Variants in MCF2L2 observed in about 807,000 individuals in gnomAD.
The protein encoded by MCF2L2 is probable guanine nucleotide exchange factor MCF2L2.
MCF2L2 carries 102 observed loss-of-function variants against 150.2 expected under a neutral mutation model. That is an observed-to-expected ratio of 0.68 (90% CI 0.58 to 0.80). The LOEUF (loss-of-function observed/expected upper bound fraction) is 0.80. Ranked by LOEUF, MCF2L2 falls within the 30% of genes least tolerant of loss-of-function variation. The pLI, the probability that MCF2L2 is intolerant of heterozygous loss-of-function variation, is 0.00. For missense variants in MCF2L2, 1,256 were observed against 1,372.8 expected, an observed-to-expected ratio of 0.91 and a Z score of 1.34; for synonymous variants, 465 against 491.3, an observed-to-expected ratio of 0.95 and a Z score of 0.71.
In MCF2L2 at chr3:183,362,792, G is replaced by A. The variant is rs531880870; in HGVS notation, c.275+16505C>T. On this transcript the variant is annotated intron_variant, in intron 3 of 29. Transcript: ENST00000328913. ...AATTAAACGCAAGATGCAAGCAGTA[G>A]TCATCTACATAAAGCTACTATAAGG... is the stretch of plus-strand genomic sequence containing the variant. 3.9e-5 allele frequency among the ~76,000 whole-genome samples: 6 copies of A among 152,046 alleles called. No homozygotes were observed. The South Asian group carries it at 1.0e-3, about 26-fold the overall frequency.
At chr3:183,320,323 A>G (rs1729762115) in intron 6 of MCF2L2, among the ~76,000 whole-genome samples, 1 of 151,766 alleles carries the variant, frequency 6.6e-6, no homozygotes, top group African/African-American at 2.4e-5. Flanking sequence ...TGAACTACTG[A>G]CCTCAGGTGA....
chr3:183,263,671 C>T (rs1011672873), intron 15 of MCF2L2, among the ~76,000 whole-genome samples: 19 of 152,262 alleles, frequency 1.2e-4, no homozygotes, highest in African/African-American at 4.3e-4. Flanking sequence ...CTGTCTAACT[C>T]GTCTTAGATT....
chr3:183,302,246 G>C (rs1047783378), intron 10 of MCF2L2, among the ~76,000 whole-genome samples: 2 of 152,194 alleles, frequency 1.3e-5, no homozygotes, highest in Non-Finnish European at 2.9e-5. Flanking sequence ...ATTTTGCTTA[G>C]TACTTTCTCA....
At chr3:183,273,996 C>T in intron 15 of MCF2L2, among the ~76,000 whole-genome samples, 1 of 152,148 alleles carries the variant, frequency 6.6e-6, no homozygotes, top group East Asian at 1.9e-4. Context: ...AAGTGGACCA[C>T]CTGAGGTTAG....
chr3:183,201,777 T>C (rs780260646), intron 25 of MCF2L2, among the ~76,000 whole-genome samples: 16 of 152,212 alleles, frequency 1.1e-4, no homozygotes, highest in Non-Finnish European at 2.2e-4. Context: ...TAAATAGTTC[T>C]CATTATTTTG....
intron 15 of MCF2L2, among the ~76,000 whole-genome samples, chr3:183,250,735 G>T (rs550442015): frequency 3.9e-5 from 6 of 152,156 alleles, no homozygotes; most frequent in African/African-American, 1.4e-4. Context: ...AAGAGGCGGC[G>T]GAGCCAAGGA....
chr3:183,297,206 C>A (rs778516483), intron 11 of MCF2L2, 39 bp from the exon 12 acceptor site: 2 of 1,572,372 alleles, frequency 1.3e-6, no homozygotes, highest in Non-Finnish European at 8.7e-7. Context: ...CTTCGCCTGA[C>A]CACAACTCAG....
chr3:183,377,932 A>C (rs1295518447), intron 3 of MCF2L2: 1 of 152,254 alleles, frequency 6.6e-6, no homozygotes, highest in Non-Finnish European at 1.5e-5. Context: ...GAAAGGAGGA[A>C]ATTGATGAAA....
chr3:183,228,381 G>A lies in MCF2L2; in HGVS notation c.2046-15C>T. 1.9e-6 allele frequency: 3 copies of A among 1,556,042 alleles called. No homozygotes were observed. The highest frequency in any genetic ancestry group is 2.7e-6 in the Non-Finnish European group (3 of 1,128,692). ...TTAGAAAAGTCCTAGAAAAATAAAAGTATACAAGTAATAATGTTTTGATTT... is the reference window on the plus strand; with the variant it reads ...TTAGAAAAGTCCTAGAAAAATAAAAATATACAAGTAATAATGTTTTGATTT... On this transcript the variant is annotated splice_polypyrimidine_tract_variant and intron_variant, in intron 17 of 29. Transcript: ENST00000328913.
chr3:183,381,753 A>C (rs1200217004), intron 2 of MCF2L2, among the ~76,000 whole-genome samples: 2 of 152,176 alleles, frequency 1.3e-5, no homozygotes, highest in Non-Finnish European at 2.9e-5. Flanking sequence ...GATGAGATCT[A>C]CAGATTAGAT....
chr3:183,351,190 GTATATATATATATATATATATATA>G (rs60311053), intron 3 of MCF2L2, among the ~76,000 whole-genome samples: 99 of 38,846 alleles, frequency 2.5e-3, no homozygotes, highest in Middle Eastern at 0.017. Context: ...ATTTTCTTAA[GTATATATATATATATATATATATA>G]TATATATATA....
rs1716266540 is a variant in MCF2L2 at position 183,428,032 on chromosome 3, T to G, written c.-55A>C. On this transcript the variant is annotated 5_prime_UTR_variant, in exon 1 of 30. Transcript: ENST00000328913. The surrounding 1 kb of genome is among the most constrained non-coding windows in gnomAD (Gnocchi z 5.1). ...AGCCAAACAAAACTGTTTCTACCGC[T>G]GCGGTGGATGATTTTTTAAAGGCAT... 1 of 1,352,136 alleles carries G rather than the reference T, an allele frequency of 7.4e-7. No individual in the cohort carries two copies. The highest frequency in any genetic ancestry group is 1.4e-5 in the African/African-American group (1 of 69,564). 83.8% of individuals were successfully genotyped at this position (1,352,136 alleles called of 1,614,324 possible).
chr3:183,342,083 G>A (rs1253454883), intron 3 of MCF2L2, among the ~76,000 whole-genome samples: 1 of 152,184 alleles, frequency 6.6e-6, no homozygotes, highest in Non-Finnish European at 1.5e-5. Context: ...GAATTAACAC[G>A]TCAGTGGGAA....
In MCF2L2 at chr3:183,276,878, G is replaced by A. The variant is rs756535784; in HGVS notation, c.1856C>T (p.Pro619Leu). ...CACGGATGTGCAGTCTTACCTGCGG[G>A]GGGAAAGGTCTCCGAGCCTGGCCTG... ...EQQARLGDLS[P>L]RRRIIRDLLE... The change falls in exon 15 of 30, where the codon CCC (proline) becomes CTC (leucine). Residue 619 changes from proline (P) to leucine (L), a missense_variant. By Grantham distance (98) the Pro-to-Leu change is moderately conservative. Transcript: ENST00000328913. 1 of 1,607,906 alleles carries A rather than the reference G, an allele frequency of 6.2e-7. No individual in the cohort carries two copies. Among genetic ancestry groups the A allele is most frequent in the South Asian group, 1.1e-5 (1 of 89,746 alleles).
chr3:183,268,715 G>GAGTT (rs1372141760), intron 15 of MCF2L2, among the ~76,000 whole-genome samples: 1 of 152,048 alleles, frequency 6.6e-6, no homozygotes, highest in Non-Finnish European at 1.5e-5. Flanking sequence ...TAAAGACTTC[G>GAGTT]AGTTAAACGG....
intron 22 of MCF2L2, among the ~76,000 whole-genome samples, chr3:183,214,636 G>A (rs557277066): frequency 6.6e-6 from 1 of 152,104 alleles, no homozygotes; most frequent in African/African-American, 2.4e-5. Context: ...GAAGGAAAAA[G>A]TATAATATAA....
intron 10 of MCF2L2, among the ~76,000 whole-genome samples, chr3:183,303,099 CAGG>C (rs1342141434): frequency 6.6e-6 from 1 of 151,526 alleles, no homozygotes; most frequent in African/African-American, 2.4e-5. Flanking sequence ...GAGGCTGAGG[CAGG>C]AGAATAGCTT....
At chr3:183,370,627 C>G (rs1712817740) in intron 3 of MCF2L2, among the ~76,000 whole-genome samples, 1 of 152,090 alleles carries the variant, frequency 6.6e-6, no homozygotes, top group Non-Finnish European at 1.5e-5. Context: ...ATCACCCAGG[C>G]AAATGAACAA....
chr3:183,219,473 T>C (rs1723064223), intron 21 of MCF2L2, among the ~76,000 whole-genome samples: 1 of 152,124 alleles, frequency 6.6e-6, no homozygotes, highest in South Asian at 2.1e-4. Flanking sequence ...TAGCTGTGCA[T>C]GGTGGCGGGC....
Sources: allele counts gnomAD v4.1 joint callset (sites outside exome capture counted in the v4.1 genomes callset), GRCh38; gene constraint gnomAD v4.1.1; non-coding constraint Gnocchi (gnomAD v3.1); transcripts MANE v1.5; gene names NCBI Gene and HGNC (gene_info 2026-07-23, HGNC 2026-07-21).